DMBT1: variants seen among roughly 807,000 people sequenced by gnomAD.
DMBT1 encodes deleted in malignant brain tumors 1, also known as scavenger receptor cysteine-rich domain-containing protein DMBT1.
DMBT1 carries 198 observed loss-of-function variants against 252.9 expected under a neutral mutation model. The ratio of observed to expected loss-of-function variants is 0.78; its 90% CI spans 0.70 to 0.88. The LOEUF (loss-of-function observed/expected upper bound fraction) is 0.88. DMBT1 is among the 40% of genes least tolerant of loss of function. The probability of loss-of-function intolerance (pLI) is 0.00; values close to 1 mark genes in which losing one functional copy is unlikely to be tolerated. For synonymous variants in DMBT1, 990 were observed against 942.7 expected, an observed-to-expected ratio of 1.05 and a Z score of -0.92; for missense variants, 2,432 against 2,404.7, an observed-to-expected ratio of 1.01 and a Z score of -0.24.
intron 46 of DMBT1, among the ~76,000 whole-genome samples, chr10:122,628,363 C>A (rs185499629): frequency 6.6e-6 from 1 of 152,108 alleles, no homozygotes. Flanking sequence ...TGGCCGGGCG[C>A]GGTGGCTCAT....
rs766079931 is a variant in DMBT1 at position 122,643,418 on chromosome 10, A to T, written c.*20A>T. 1.4e-5 allele frequency: 23 copies of T among 1,600,940 alleles called. No homozygotes were observed. The highest frequency in any genetic ancestry group is 2.0e-5 in the Non-Finnish European group (23 of 1,173,218). On this transcript the variant is annotated 3_prime_UTR_variant, in exon 56 of 56. Transcript: ENST00000338354. ...CGGTAGGTGGTCGCTCTCAGACCCC[A>T]CTGTCCACCGGGGCGCAGACCCCTG...
chr10:122,622,776 A>G (rs986044729), intron 44 of DMBT1, among the ~76,000 whole-genome samples: 1 of 152,192 alleles, frequency 6.6e-6, no homozygotes, highest in African/African-American at 2.4e-5. Context: ...ACTAGGCTCT[A>G]CTTGAATCTT....
Position 122,598,897 on chromosome 10 carries a change from C to A in DMBT1, c.3080C>A (p.Ala1027Asp). ...GATGACAGCTGGGACACCAATGATG[C>A]CAATGTCGTCTGCAGGCAACTGGGC... ...VCDDSWDTNDANVVCRQLGCG... is the reference protein window; with the variant it reads ...VCDDSWDTNDDNVVCRQLGCG... Residue 1027 changes from alanine (A) to aspartate (D), a missense_variant, in exon 26 of 56, where the codon GCC becomes GAC. This residue lies in a region of DMBT1 where 1,264 missense variants were observed against 1,082.2 expected (regional missense o/e 1.17). Coordinates refer to ENST00000338354, the MANE Select transcript of DMBT1 (RefSeq NM_001377530.1). The A allele has an allele frequency of 6.2e-7, 1 of 1,613,834 alleles. No homozygotes were observed. Among genetic ancestry groups the A allele is most frequent in the Non-Finnish European group, 8.5e-7 (1 of 1,179,766 alleles).
intron 50 of DMBT1, among the ~76,000 whole-genome samples, chr10:122,632,260 A>C: frequency 2.0e-5 from 3 of 147,386 alleles, no homozygotes; most frequent in African/African-American, 5.0e-5. Flanking sequence ...AACACCCCCC[A>C]CTGCCCCGCC....
chr10:122,569,583 C>A lies in DMBT1; in HGVS notation c.92-579C>A, dbSNP rs113127311. On this transcript the variant is annotated intron_variant, in intron 2 of 55. Transcript: ENST00000338354. ...GTTAGAATGTTCACTTCTAGAGCAA[C>A]TCTGGCATTTGCCGTATGGACTGGA... is the stretch of plus-strand genomic sequence containing the variant. Among the ~76,000 whole-genome samples the A allele has an allele frequency of 1.9e-3, 282 of 152,336 alleles. 2 individuals carry two copies. Among genetic ancestry groups the A allele is most frequent in the African/African-American group, 6.4e-3 (268 of 41,584 alleles).
chr10:122,586,054 C>T lies in DMBT1; in HGVS notation c.1460-6C>T, dbSNP rs1565686260. On this transcript the variant is annotated splice_polypyrimidine_tract_variant and splice_region_variant and intron_variant, in intron 15 of 55. Coordinates refer to ENST00000338354, the MANE Select transcript of DMBT1 (RefSeq NM_001377530.1). ...ATGGATGAAGGGTTCTTGTTTTCCC[C>T]TGTAGGATCTGAATCCAGTTTGGCC... 1.3e-6 allele frequency: 2 copies of T among 1,588,508 alleles called. No homozygotes were observed. Among genetic ancestry groups the T allele is most frequent in the East Asian group, 2.3e-5 (1 of 42,774 alleles).
chr10:122,580,720 G>A (rs1416608366), intron 10 of DMBT1, 146 bp from the exon 11 acceptor site: 2 of 1,248,656 alleles, frequency 1.6e-6, no homozygotes, highest in South Asian at 2.4e-5. Flanking sequence ...ATCTCTGTGG[G>A]GATGTGCATG....
chr10:122,580,017 G>C (rs753479816), intron 10 of DMBT1, 116 bp downstream of exon 10: 157 of 1,539,344 alleles, frequency 1.0e-4, no homozygotes, highest in Non-Finnish European at 1.3e-4. Flanking sequence ...TGTTTCTGAA[G>C]ACTTGTCAGC....
chr10:122,636,127 A>T lies in DMBT1; in HGVS notation c.6685A>T (p.Ile2229Phe), dbSNP rs779728403. 1 of 1,613,978 alleles carries T rather than the reference A, an allele frequency of 6.2e-7. No individual in the cohort carries two copies. The highest frequency in any genetic ancestry group is 1.6e-4 in the Middle Eastern group (1 of 6,062). ...CTCCAACTTCATGTCCATTCGCTTC[A>T]TCAGTGACCACAGCATCACAAGGAG... is the stretch of plus-strand genomic sequence containing the variant. ...SSSNFMSIRF[I>F]SDHSITRRGF... The change falls in exon 53 of 56, where the codon ATC becomes TTC. Residue 2229 changes from isoleucine to phenylalanine, a missense_variant. Coordinates refer to ENST00000338354, the MANE Select transcript of DMBT1 (RefSeq NM_001377530.1).
chr10:122,565,852 A>T (rs2097585400), intron 1 of DMBT1, 115 bp from the exon 2 acceptor site: 7 of 991,784 alleles, frequency 7.1e-6, no homozygotes, highest in East Asian at 2.6e-5. Context: ...CAAACCCAAG[A>T]TTGAGCCACA....
chr10:122,592,238 G>C lies in DMBT1; in HGVS notation c.2177-34G>C, dbSNP rs768516406. On this transcript the variant is annotated intron_variant, in intron 19 of 55. Coordinates refer to ENST00000338354, the MANE Select transcript of DMBT1 (RefSeq NM_001377530.1). Reference sequence around the variant, plus strand: ...TGCCTTAGATCCTTACCTCATGGTAGGGATGGATAAAGGGTTCTTGTGTTC... The same window carrying C: ...TGCCTTAGATCCTTACCTCATGGTACGGATGGATAAAGGGTTCTTGTGTTC... The C allele has an allele frequency of 1.3e-5, 21 of 1,582,046 alleles. 4 individuals are homozygous for C. In the South Asian group the frequency reaches 2.4e-4, roughly 18 times the overall value.
chr10:122,590,457 A>T (rs200718218), intron 17 of DMBT1, among the ~76,000 whole-genome samples: 1 of 148,582 alleles, frequency 6.7e-6, no homozygotes, highest in Non-Finnish European at 1.5e-5. Flanking sequence ...CACAAACTTA[A>T]TCACTTTGGA....
At chr10:122,620,046 A>C (rs2098047441) in intron 42 of DMBT1, among the ~76,000 whole-genome samples, 1 of 152,210 alleles carries the variant, frequency 6.6e-6, no homozygotes, top group Non-Finnish European at 1.5e-5. Context: ...CTCACACTTC[A>C]GAGGTAGGAG....
intron 42 of DMBT1, among the ~76,000 whole-genome samples, chr10:122,619,815 T>C (rs1207935570): frequency 1.3e-5 from 2 of 152,198 alleles, no homozygotes; most frequent in East Asian, 1.9e-4. Flanking sequence ...CATATCTGCA[T>C]CCAGAAAAGG....
chr10:122,626,092 C>T (rs2098117149), intron 46 of DMBT1, 127 bp downstream of exon 46: 2 of 763,028 alleles, frequency 2.6e-6, no homozygotes, highest in Admixed American at 3.8e-5. Context: ...TGGCCTGTCC[C>T]ACTATACCCT....
At chr10:122,633,889 T>G (rs888804410) in intron 52 of DMBT1, among the ~76,000 whole-genome samples, 10 of 152,056 alleles carry the variant, frequency 6.6e-5, no homozygotes, top group African/African-American at 2.4e-4. Context: ...ATCCCAACAC[T>G]TTGGGAGGCC....
chr10:122,636,942 T>C (rs3888714), intron 53 of DMBT1, among the ~76,000 whole-genome samples, 186 bp from the exon 54 acceptor site: 14,544 of 152,272 alleles, frequency 0.096, 779 homozygotes, highest in South Asian at 0.19. Context: ...TTCATAAGGA[T>C]GGGGCTGACT....
intron 1 of DMBT1, among the ~76,000 whole-genome samples, chr10:122,564,117 GC>G (rs1352654412): frequency 1.3e-5 from 2 of 152,200 alleles, no homozygotes; most frequent in African/African-American, 4.8e-5. Flanking sequence ...GGTTTCAGTG[GC>G]CCCCTTCCTA....
chr10:122,576,692 C>A lies in DMBT1; in HGVS notation c.577C>A (p.His193Asn), dbSNP rs202048690. 342 of 1,613,770 alleles carry A rather than the reference C, an allele frequency of 2.1e-4. 4 individuals carry two copies. The East Asian group carries it at 6.1e-3, about 29-fold the overall frequency. ...HNGWLSHNCG[H>N]GEDAGVICSA... ...TGGCTGGCTCTCCCATAACTGTGGC[C>A]ATGGTGAAGATGCTGGTGTTATCTG... The change falls in exon 7 of 56, where the codon CAT becomes AAT. Residue 193 changes from histidine to asparagine, a missense_variant. His to Asn is a moderately conservative substitution (Grantham distance 68, BLOSUM62 1). Around this residue, in one of 3 missense-constraint regions of DMBT1, gnomAD observed 1,264 missense variants for 1,082.2 expected, o/e 1.17. Coordinates refer to ENST00000338354, the MANE Select transcript of DMBT1 (RefSeq NM_001377530.1).
Sources: gnomAD v4.1 joint callset for allele counts (sites outside exome capture counted in the v4.1 genomes callset) on GRCh38, gnomAD v4.1.1 for gene constraint, gnomAD v4.1.1 regional missense constraint, MANE v1.5 for transcripts, NCBI Gene and HGNC (gene_info 2026-07-23, HGNC 2026-07-21) for gene names.